The following CLYBL variants were observed in gnomAD, a reference collection of about 807,000 sequenced individuals.
CLYBL encodes the protein citramalyl-CoA lyase, also known as citramalyl-CoA lyase, mitochondrial.
Under a neutral mutation model 38.9 loss-of-function variants are expected in CLYBL, and 31 were observed. The ratio of observed to expected loss-of-function variants is 0.80; its 90% CI spans 0.60 to 1.08. The LOEUF is 1.08. Among genes scored for constraint, CLYBL ranks in the 50% least tolerant of loss-of-function variants. The pLI, the probability that CLYBL is intolerant of heterozygous loss-of-function variation, is 0.00. For missense variants in CLYBL, 434 were observed against 411.6 expected, an observed-to-expected ratio of 1.05 and a Z score of -0.47; for synonymous variants, 171 against 158.6, an observed-to-expected ratio of 1.08 and a Z score of -0.59.
intron 1 of CLYBL, among the ~76,000 whole-genome samples, chr13:99,626,823 T>G (rs953236810): frequency 1.3e-5 from 2 of 152,026 alleles, no homozygotes; most frequent in Non-Finnish European, 2.9e-5. Flanking sequence ...ACCCGATTGG[T>G]CATCAGAATG....
At chr13:99,707,962 A>G (rs983818984) in intron 1 of CLYBL, among the ~76,000 whole-genome samples, 43 of 152,022 alleles carry the variant, frequency 2.8e-4, no homozygotes, top group African/African-American at 1.0e-3. Context: ...GGGACTCTAC[A>G]AGAGTGCTGG....
chr13:99,906,438 T>TC (rs916378785), intron 9 of CLYBL, among the ~76,000 whole-genome samples: 52 of 150,636 alleles, frequency 3.5e-4, no homozygotes, highest in African/African-American at 1.2e-3. Flanking sequence ...TGAGTTTTCT[T>TC]TTTTTTTTCT....
chr13:99,609,109 T>A (rs1464591969), intron 1 of CLYBL, among the ~76,000 whole-genome samples: 2 of 151,446 alleles, frequency 1.3e-5, no homozygotes, highest in African/African-American at 4.9e-5. Flanking sequence ...CACAGGTCTT[T>A]GAGACTGTTC....
chr13:99,862,590 G>A (rs2051632420), intron 3 of CLYBL, among the ~76,000 whole-genome samples: 1 of 152,170 alleles, frequency 6.6e-6, no homozygotes, highest in Admixed American at 6.5e-5. Context: ...GTCAGTGCTG[G>A]GCACGAAACA....
At chr13:99,631,461 G>A (rs1337279979) in intron 1 of CLYBL, among the ~76,000 whole-genome samples, 2 of 151,736 alleles carry the variant, frequency 1.3e-5, no homozygotes, top group Non-Finnish European at 2.9e-5. Context: ...CCCATAAATT[G>A]AAGATTCATT....
chr13:99,616,696 C>T (rs74114817), intron 1 of CLYBL, among the ~76,000 whole-genome samples: 21,697 of 152,164 alleles, frequency 0.14, 1,773 homozygotes, highest in African/African-American at 0.23. Flanking sequence ...TGGCTCACAC[C>T]TGTAATTCCA....
chr13:99,678,766 G>A (rs2047689888), intron 1 of CLYBL, among the ~76,000 whole-genome samples: 1 of 152,000 alleles, frequency 6.6e-6, no homozygotes, highest in African/African-American at 2.4e-5. Flanking sequence ...TTAAAAGGTA[G>A]GCAGAAAGAG....
At chr13:99,848,359 C>T (rs1024810946) in intron 2 of CLYBL, among the ~76,000 whole-genome samples, 6 of 152,210 alleles carry the variant, frequency 3.9e-5, no homozygotes, top group African/African-American at 9.7e-5. Context: ...CTATGTCCCA[C>T]ACCTGTCCCC....
At chr13:99,796,613 A>AC (rs1471127075) in intron 2 of CLYBL, among the ~76,000 whole-genome samples, 1 of 152,256 alleles carries the variant, frequency 6.6e-6, no homozygotes, top group Non-Finnish European at 1.5e-5. Flanking sequence ...CCAAGGTCAC[A>AC]CAGCTAATAA....
chr13:99,686,536 G>GAGAGAGAGAA (rs1491355574), intron 1 of CLYBL, among the ~76,000 whole-genome samples: 37 of 145,898 alleles, frequency 2.5e-4, no homozygotes, highest in African/African-American at 9.3e-4. Context: ...GAGAGAGAGA[G>GAGAGAGAGAA]ACTCAGTGAC....
chr13:99,823,857 C>T (rs776417281), intron 2 of CLYBL, among the ~76,000 whole-genome samples: 7 of 152,166 alleles, frequency 4.6e-5, no homozygotes, highest in South Asian at 2.1e-4. Flanking sequence ...CCATCTGAGC[C>T]GACTGCCCAG....
chr13:99,741,565 G>A (rs1015680749), intron 1 of CLYBL, among the ~76,000 whole-genome samples: 2 of 151,762 alleles, frequency 1.3e-5, no homozygotes, highest in Non-Finnish European at 2.9e-5. Flanking sequence ...GGGGGTGGGG[G>A]TCGGGGGACG....
At chr13:99,637,923 T>TA (rs1429152568) in intron 1 of CLYBL, among the ~76,000 whole-genome samples, 1 of 151,416 alleles carries the variant, frequency 6.6e-6, no homozygotes, top group African/African-American at 2.4e-5. Context: ...AGAAGCCAGT[T>TA]ACGGATCATT....
At chr13:99,651,450 A>C (rs2047251432) in intron 1 of CLYBL, among the ~76,000 whole-genome samples, 1 of 152,208 alleles carries the variant, frequency 6.6e-6, no homozygotes, top group Non-Finnish European at 1.5e-5. Context: ...CATGCCTGTA[A>C]TCCCAGCTAC....
chr13:99,795,056 T>C (rs1374100345), intron 2 of CLYBL, among the ~76,000 whole-genome samples: 1 of 152,218 alleles, frequency 6.6e-6, no homozygotes, highest in Non-Finnish European at 1.5e-5. Flanking sequence ...AATCTTATTC[T>C]GTACCGGCTA....
intron 1 of CLYBL, among the ~76,000 whole-genome samples, chr13:99,704,586 A>G (rs2048117796): frequency 6.6e-6 from 1 of 152,208 alleles, no homozygotes; most frequent in Admixed American, 6.5e-5. Flanking sequence ...ATGACCTGTG[A>G]ACAGGGAAAC....
At chr13:99,775,110 G>A (rs891104703) in intron 2 of CLYBL, among the ~76,000 whole-genome samples, 3 of 152,090 alleles carry the variant, frequency 2.0e-5, no homozygotes, top group Non-Finnish European at 4.4e-5. Flanking sequence ...ATGATTAGAG[G>A]GGAATTTATT....
At chr13:99,743,309 T>C (rs2048789705) in intron 1 of CLYBL, among the ~76,000 whole-genome samples, 1 of 152,238 alleles carries the variant, frequency 6.6e-6, no homozygotes, top group Admixed American at 6.5e-5. Context: ...GAAGTGACTT[T>C]AGCTTCTTGT....
At chr13:99,753,916 C>G (rs1240045152) in intron 1 of CLYBL, among the ~76,000 whole-genome samples, 1 of 150,478 alleles carries the variant, frequency 6.6e-6, no homozygotes, top group Admixed American at 6.6e-5. Context: ...TGGTGAAACC[C>G]CATCTCTACA....
Sources: gnomAD v4.1 joint callset for allele counts (sites outside exome capture counted in the v4.1 genomes callset) on GRCh38, gnomAD v4.1.1 for gene constraint, MANE v1.5 for transcripts, NCBI Gene and HGNC (gene_info 2026-07-23, HGNC 2026-07-21) for gene names.